The following MECR variants were observed in gnomAD, a reference collection of about 807,000 sequenced individuals.
The protein encoded by MECR is mitochondrial trans-2-enoyl-CoA reductase.
In MECR, 37 loss-of-function variants were observed where a neutral mutation model predicts 49.1. The observed-to-expected ratio is 0.75, with a 90% confidence interval of 0.58 to 0.99. The LOEUF (loss-of-function observed/expected upper bound fraction) is 0.99, where lower values mean the gene tolerates loss of function less well. Among genes scored for constraint, MECR ranks in the 50% least tolerant of loss-of-function variants. The pLI, the probability that MECR is intolerant of heterozygous loss-of-function variation, is 0.00. For missense variants in MECR, 470 were observed against 479.6 expected (o/e 0.98, Z 0.19); for synonymous variants, 198 against 191.1 (o/e 1.04, Z -0.30).
At chr1:29,178,577 C>T in the MECR span, among the ~76,000 whole-genome samples, 4 of 151,878 alleles carry the variant, frequency 2.6e-5, no homozygotes, top group African/African-American at 7.2e-5. Context: ...AGGATGGTCT[C>T]GATCTCCTGA....
intron 3 of MECR, among the ~76,000 whole-genome samples, chr1:29,207,746 A>G (rs937908076): frequency 6.6e-6 from 1 of 152,120 alleles, no homozygotes; most frequent in African/African-American, 2.4e-5. Flanking sequence ...TCTCAAAAAA[A>G]CCCAAAAAAC....
intron 1 of MECR, among the ~76,000 whole-genome samples, chr1:29,217,211 G>GTT (rs796559272): frequency 4.9e-5 from 6 of 121,516 alleles, no homozygotes; most frequent in Admixed American, 8.5e-5. Flanking sequence ...AACCCACAGT[G>GTT]TTTTTTTTTT....
chr1:29,181,623 G>A, the MECR span: 2 of 1,562,480 alleles, frequency 1.3e-6, no homozygotes, highest in African/African-American at 1.4e-5. Flanking sequence ...CCGCCCGGCC[G>A]GACCCTCTTT....
downstream of MECR, among the ~76,000 whole-genome samples, chr1:29,188,393 A>G (rs1673067934): frequency 6.6e-6 from 1 of 151,782 alleles, no homozygotes; most frequent in Admixed American, 6.6e-5. Context: ...TAGTAGAGAC[A>G]GGATTTCTCC....
the MECR span, chr1:29,168,927 T>C: frequency 6.6e-6 from 1 of 152,234 alleles, no homozygotes; most frequent in Non-Finnish European, 1.5e-5. Context: ...CTAGAAAGTT[T>C]ACAGACTTTC....
intron 7 of MECR, 29 bp from the exon 8 acceptor site, chr1:29,196,287 G>A (rs778791427): frequency 1.9e-6 from 3 of 1,592,374 alleles, no homozygotes; most frequent in Middle Eastern, 3.3e-4. Context: ...ACAAAGAGTG[G>A]ATGCAAGGCA....
At chr1:29,177,452 T>G in the MECR span, among the ~76,000 whole-genome samples, 1 of 152,154 alleles carries the variant, frequency 6.6e-6, no homozygotes, top group Non-Finnish European at 1.5e-5. Context: ...CGGCTAACTT[T>G]GTATTTTTAG....
At chr1:29,224,710 T>C (rs1455825406) in intron 1 of MECR, 1 of 152,220 alleles carries the variant, frequency 6.6e-6, no homozygotes, top group African/African-American at 2.4e-5. Flanking sequence ...GTCACTCTCT[T>C]CATTTTATCA....
At chr1:29,180,383 G>C in the MECR span, among the ~76,000 whole-genome samples, 2 of 152,048 alleles carry the variant, frequency 1.3e-5, no homozygotes, top group East Asian at 1.9e-4. Flanking sequence ...TACTGTAAAA[G>C]AAATCAGTAC....
At chr1:29,199,585 G>C (rs992037152) in intron 7 of MECR, among the ~76,000 whole-genome samples, 2 of 151,792 alleles carry the variant, frequency 1.3e-5, no homozygotes, top group Non-Finnish European at 2.9e-5. Flanking sequence ...TTGTCAACAG[G>C]GCTTATCCCC....
the MECR span, chr1:29,168,461 T>C: frequency 6.6e-6 from 1 of 152,152 alleles, no homozygotes; most frequent in Non-Finnish European, 1.5e-5. Flanking sequence ...TAAAGGTTTT[T>C]GATATAATGG....
intron 7 of MECR, chr1:29,200,247 T>C (rs2151855113): frequency 3.3e-6 from 1 of 304,560 alleles, no homozygotes; most frequent in Non-Finnish European, 6.1e-6. Context: ...TCCTTGACTA[T>C]TCCTCTATGG....
chr1:29,210,780 C>T (rs1376974812), intron 3 of MECR, among the ~76,000 whole-genome samples: 2 of 152,182 alleles, frequency 1.3e-5, no homozygotes, highest in Non-Finnish European at 2.9e-5. Context: ...TTTGAATGAT[C>T]ACTTCACCTT....
intron 1 of MECR, among the ~76,000 whole-genome samples, chr1:29,217,071 T>C (rs1461291495): frequency 7.6e-6 from 1 of 132,134 alleles, no homozygotes; most frequent in African/African-American, 2.9e-5. Context: ...GAGGCAGAGG[T>C]TGTAGTGAGC....
At chr1:29,190,472 G>T (rs777981297), downstream of MECR, among the ~76,000 whole-genome samples, 1 of 151,792 alleles carries the variant, frequency 6.6e-6, no homozygotes, top group African/African-American at 2.4e-5. Context: ...GAAGAAAAAG[G>T]TACAGGATGC....
chr1:29,181,565 G>A, the MECR span: 13 of 1,244,134 alleles, frequency 1.0e-5, no homozygotes, highest in Admixed American at 1.7e-4. Flanking sequence ...CGGACCAGGC[G>A]TCCCTCTCCC....
chr1:29,182,946 C>T, the MECR span, among the ~76,000 whole-genome samples: 4 of 152,220 alleles, frequency 2.6e-5, no homozygotes, highest in Admixed American at 1.3e-4. Flanking sequence ...GTACTTGGAA[C>T]AGTGTCTGAA....
At position 29,196,212 on chromosome 1, in the gene MECR, CG is replaced by C. The variant is rs1673949627; in HGVS notation, c.876del (p.Val293SerfsTer2). The C allele has an allele frequency of 1.2e-6, 2 of 1,614,206 alleles. No individual in the cohort carries two copies. The highest frequency in any genetic ancestry group is 1.7e-6 in the Non-Finnish European group (2 of 1,180,032). On this transcript the variant is annotated frameshift_variant, in exon 8 of 10. Transcript: ENST00000263702. LOFTEE classifies it high-confidence loss of function. ...MVTYGGMAKQ[P>X]VVASVSLLIF... Reference sequence around the variant, plus strand: ...ACCCAGCTTACCACAGAGGCTACGACGGGCTGCTTGGCCATCCCCCCATAGG... The same window carrying C: ...ACCCAGCTTACCACAGAGGCTACGACGGCTGCTTGGCCATCCCCCCATAGG...
Position 29,216,661 on chromosome 1 carries a change from A to C in MECR, c.201T>G (p.Ala67=), listed in dbSNP as rs1679485759. 1 of 1,614,114 alleles carries C rather than the reference A, an allele frequency of 6.2e-7. No homozygotes were observed. The highest frequency in any genetic ancestry group is 8.5e-7 in the Non-Finnish European group (1 of 1,180,048). The change falls in exon 2 of 10, where the codon GCT becomes GCG. Residue 67 remains alanine (A), a synonymous_variant. Coordinates refer to ENST00000263702, the MANE Select transcript of MECR (RefSeq NM_016011.5). ...TCACACGGACATCTGATCCTCTCAC[A>C]GCAGCTAGCTCCAGGTTCTTGAGTC... ...VVELKNLELA[A]VRGSDVRVKM...
Sources: gnomAD v4.1 joint callset for allele counts (sites outside exome capture counted in the v4.1 genomes callset) on GRCh38, gnomAD v4.1.1 for gene constraint, MANE v1.5 for transcripts, NCBI Gene and HGNC (gene_info 2026-07-23, HGNC 2026-07-21) for gene names.